SMYD3: variants seen among roughly 807,000 people sequenced by gnomAD.
The protein encoded by SMYD3 is SET and MYND domain containing 3.
A neutral mutation model predicts 57.7 loss-of-function variants in SMYD3; 36 were observed. The ratio of observed to expected loss-of-function variants is 0.62; its 90% CI spans 0.48 to 0.82. The LOEUF is 0.82. Ranked by LOEUF, SMYD3 falls within the 40% of genes least tolerant of loss-of-function variation. SMYD3 has a pLI of 0.00. For synonymous variants in SMYD3, 211 were observed against 195.0 expected, an observed-to-expected ratio of 1.08 and a Z score of -0.68; for missense variants, 515 against 538.8, an observed-to-expected ratio of 0.96 and a Z score of 0.44.
intron 1 of SMYD3, among the ~76,000 whole-genome samples, chr1:246,412,839 C>G (rs113353731): frequency 0.011 from 1,109 of 103,392 alleles, 11 homozygotes; most frequent in African/African-American, 0.036. Context: ...GCCTCAGCAA[C>G]AAGAGTGAGA....
Position 246,302,450 on chromosome 1 carries a change from T to A in SMYD3, c.531+24751A>T, listed in dbSNP as rs533130809. On this transcript the variant is annotated intron_variant, in intron 5 of 11. Transcript: ENST00000490107. ...TTTCATGAAAAGACTGAATTAGATT[T>A]CATCACTGAAAACTGCAGTGGGTTT... Among the ~76,000 whole-genome samples, 44 of 152,306 alleles carry A rather than the reference T, an allele frequency of 2.9e-4. No individual in the cohort carries two copies. In the South Asian group the frequency reaches 8.3e-3, roughly 29 times the overall value.
rs552140185 is a variant in SMYD3 at position 246,017,855 on chromosome 1, C to T, written c.532-87918G>A. Among the ~76,000 whole-genome samples, 29 of 152,240 alleles carry T rather than the reference C, an allele frequency of 1.9e-4. No individual in the cohort carries two copies. In the East Asian group the frequency reaches 5.2e-3, roughly 27 times the overall value. ...TCAGTGAGTTATAACCTATTACTACCGTTATTTTGATGCTGAAATTGCCAC... is the reference window on the plus strand; with the variant it reads ...TCAGTGAGTTATAACCTATTACTACTGTTATTTTGATGCTGAAATTGCCAC... On this transcript the variant is annotated intron_variant, in intron 5 of 11. Transcript: ENST00000490107.
At chr1:246,210,854 G>A (rs771999959) in intron 5 of SMYD3, among the ~76,000 whole-genome samples, 6 of 152,084 alleles carry the variant, frequency 3.9e-5, no homozygotes, top group Non-Finnish European at 5.9e-5. Context: ...AGAGAAAGTC[G>A]AGAGGAAGGA....
chr1:246,107,147 C>A (rs534964652), intron 5 of SMYD3, among the ~76,000 whole-genome samples: 1 of 146,698 alleles, frequency 6.8e-6, no homozygotes, highest in South Asian at 2.4e-4. Flanking sequence ...ATTAGCCAGG[C>A]GTGGTGGCAG....
At chr1:246,470,934 G>A (rs886077362) in intron 1 of SMYD3, among the ~76,000 whole-genome samples, 19 of 152,056 alleles carry the variant, frequency 1.2e-4, no homozygotes, top group Admixed American at 2.6e-4. Context: ...AGAGACATTA[G>A]GTATGCAGCC....
chr1:246,071,351 G>A (rs1330553136), intron 5 of SMYD3, among the ~76,000 whole-genome samples: 1 of 152,110 alleles, frequency 6.6e-6, no homozygotes, highest in Admixed American at 6.5e-5. Context: ...AGAAAACAGG[G>A]ATTAAGGACA....
At chr1:246,160,226 T>C (rs552901053) in intron 5 of SMYD3, among the ~76,000 whole-genome samples, 1 of 152,358 alleles carries the variant, frequency 6.6e-6, no homozygotes, top group South Asian at 2.1e-4. Flanking sequence ...CTCACATTTA[T>C]AGGAAGTGTT....
chr1:246,350,498 A>G (rs1396415804), intron 2 of SMYD3, among the ~76,000 whole-genome samples: 1 of 152,226 alleles, frequency 6.6e-6, no homozygotes, highest in Non-Finnish European at 1.5e-5. Context: ...GTAGTAAAAT[A>G]GTAAAATCAG....
At chr1:246,473,726 T>C (rs187639994) in intron 1 of SMYD3, among the ~76,000 whole-genome samples, 15 of 152,336 alleles carry the variant, frequency 9.8e-5, no homozygotes, top group African/African-American at 3.6e-4. Flanking sequence ...GGAACACATA[T>C]GCCTCAATCC....
chr1:245,758,325 CAT>C (rs1245058999), intron 11 of SMYD3, among the ~76,000 whole-genome samples: 1 of 152,070 alleles, frequency 6.6e-6, no homozygotes, highest in Non-Finnish European at 1.5e-5. Flanking sequence ...CATATGAGAT[CAT>C]GTCATCTGTA....
intron 1 of SMYD3, among the ~76,000 whole-genome samples, chr1:246,418,845 A>G (rs1156370118): frequency 1.3e-5 from 2 of 152,120 alleles, no homozygotes; most frequent in South Asian, 2.1e-4. Context: ...TCTGAGCCCA[A>G]GGTAAGCCAT....
At chr1:246,220,732 G>T (rs931424598) in intron 5 of SMYD3, among the ~76,000 whole-genome samples, 9 of 152,274 alleles carry the variant, frequency 5.9e-5, no homozygotes, top group Admixed American at 2.6e-4. Flanking sequence ...GCCAGTTCCG[G>T]GGCATGGAGT....
chr1:246,365,203 T>A (rs1318565815), intron 1 of SMYD3, among the ~76,000 whole-genome samples: 1 of 151,522 alleles, frequency 6.6e-6, no homozygotes, highest in Non-Finnish European at 1.5e-5. Flanking sequence ...AGGTACCATA[T>A]AAGAGTTAGA....
At chr1:246,139,916 A>C (rs1033542356) in intron 5 of SMYD3, among the ~76,000 whole-genome samples, 2 of 152,188 alleles carry the variant, frequency 1.3e-5, no homozygotes, top group Admixed American at 6.5e-5. Flanking sequence ...TCACTCTACA[A>C]TGACACAGCT....
chr1:245,950,817 G>A (rs550210027), intron 5 of SMYD3, among the ~76,000 whole-genome samples: 14 of 152,328 alleles, frequency 9.2e-5, no homozygotes, highest in African/African-American at 2.9e-4. Flanking sequence ...TTGGCACAGA[G>A]TTTAAATTAG....
chr1:245,980,780 C>T (rs2148068361), intron 5 of SMYD3, among the ~76,000 whole-genome samples: 2 of 152,370 alleles, frequency 1.3e-5, no homozygotes, highest in East Asian at 3.9e-4. Context: ...AAACAAATCC[C>T]TACTCCAGAC....
At chr1:245,775,736 A>T (rs565018538) in intron 10 of SMYD3, among the ~76,000 whole-genome samples, 114 of 152,136 alleles carry the variant, frequency 7.5e-4, no homozygotes, top group African/African-American at 2.1e-3. Context: ...AAAAATAAAA[A>T]AAATAAATGG....
At chr1:245,979,662 C>G (rs535502260) in intron 5 of SMYD3, among the ~76,000 whole-genome samples, 1 of 152,236 alleles carries the variant, frequency 6.6e-6, no homozygotes, top group South Asian at 2.1e-4. Context: ...AGACCTTTAC[C>G]CTCAGAATTG....
intron 8 of SMYD3, among the ~76,000 whole-genome samples, chr1:245,898,473 C>T (rs1199339149): frequency 6.6e-6 from 1 of 152,174 alleles, no homozygotes; most frequent in Non-Finnish European, 1.5e-5. Context: ...CACTGAATGG[C>T]AACCTATGAG....
Sources: gnomAD v4.1 joint callset for allele counts (sites outside exome capture counted in the v4.1 genomes callset) on GRCh38, gnomAD v4.1.1 for gene constraint, MANE v1.5 for transcripts, NCBI Gene and HGNC (gene_info 2026-07-23, HGNC 2026-07-21) for gene names.